Variants in AKR1A1 observed in about 807,000 individuals in gnomAD.
AKR1A1 encodes HEL-S-165mP.
Under a neutral mutation model 39.2 loss-of-function variants are expected in AKR1A1, and 26 were observed. The observed-to-expected ratio is 0.66, with a 90% CI of 0.49 to 0.92. The LOEUF is 0.92. Among genes scored for constraint, AKR1A1 ranks in the 40% least tolerant of loss-of-function variants. The probability of loss-of-function intolerance (pLI) is 0.00; values close to 1 mark genes in which losing one functional copy is unlikely to be tolerated. For missense variants in AKR1A1, 378 were observed against 406.5 expected, an observed-to-expected ratio of 0.93 and a Z score of 0.60; for synonymous variants, 141 against 155.5, an observed-to-expected ratio of 0.91 and a Z score of 0.69.
At chr1:45,557,884 T>C (rs1006606676) in intron 1 of AKR1A1, among the ~76,000 whole-genome samples, 1 of 151,662 alleles carries the variant, frequency 6.6e-6, no homozygotes, top group African/African-American at 2.4e-5. Flanking sequence ...AAGACAGTGT[T>C]GGTGTACTGG....
chr1:45,559,990 A>AC (rs1644257267), intron 1 of AKR1A1, among the ~76,000 whole-genome samples: 2 of 128,128 alleles, frequency 1.6e-5, no homozygotes, highest in Non-Finnish European at 3.4e-5. Context: ...AAATAACTTC[A>AC]CTTTTTTTTT....
At chr1:45,565,997 T>C (rs1259006826) in intron 2 of AKR1A1, among the ~76,000 whole-genome samples, 1 of 152,134 alleles carries the variant, frequency 6.6e-6, no homozygotes, top group Admixed American at 6.5e-5. Flanking sequence ...CTGAGATGGC[T>C]TGGGTAGGAA....
Position 45,558,081 on chromosome 1 carries a change from G to C in AKR1A1, c.-6-3708G>C, listed in dbSNP as rs990881139. On this transcript the variant is annotated intron_variant, in intron 1 of 8. Coordinates refer to ENST00000351829, the MANE Select transcript of AKR1A1 (RefSeq NM_153326.3). ...GCACCACCATGTCCAGCTAATTTTT[G>C]TATTTTTAGTAGAGAGGGGGTTTCG... 3.3e-5 allele frequency among the ~76,000 whole-genome samples: 5 copies of C among 151,194 alleles called. No homozygotes were observed. The East Asian group carries it at 9.8e-4, about 30-fold the overall frequency.
intron 2 of AKR1A1, among the ~76,000 whole-genome samples, chr1:45,564,404 G>C (rs1199709487): frequency 2.0e-5 from 3 of 152,054 alleles, no homozygotes; most frequent in Non-Finnish European, 4.4e-5. Flanking sequence ...TCTAGGGCCG[G>C]GTACCCTTGT....
intron 2 of AKR1A1, among the ~76,000 whole-genome samples, chr1:45,564,883 C>T (rs912015808): frequency 2.0e-4 from 31 of 151,776 alleles, no homozygotes; most frequent in African/African-American, 7.2e-4. Context: ...AGTGCAGTGG[C>T]GCAATCTCGC....
chr1:45,562,861 T>C (rs1644295838), intron 2 of AKR1A1, among the ~76,000 whole-genome samples: 1 of 152,036 alleles, frequency 6.6e-6, no homozygotes, highest in African/African-American at 2.4e-5. Context: ...GGCTCATACC[T>C]GTAATCCCAG....
At chr1:45,565,671 C>T (rs1644332678) in intron 2 of AKR1A1, among the ~76,000 whole-genome samples, 1 of 151,884 alleles carries the variant, frequency 6.6e-6, no homozygotes, top group South Asian at 2.1e-4. Flanking sequence ...AAAAGAATTT[C>T]ACCATGTTGG....
rs148607559 is a variant in AKR1A1, at chr1:45,568,031, G to A, written c.406G>A (p.Asp136Asn). ...PKNADGTICY[D>N]STHYKETWKA... ...GAATGCTGATGGGACTATATGCTAC[G>A]ACTCCACCCACTACAAGGAGACTTG... The change falls in exon 5 of 9, where the codon GAC becomes AAC. Residue 136 changes from aspartate (D) to asparagine (N), a missense_variant. Asp to Asn is a conservative substitution (Grantham distance 23). Transcript: ENST00000351829. The A allele has an allele frequency of 5.6e-5, 91 of 1,613,906 alleles. No homozygotes were observed. In the African/African-American group the frequency reaches 9.7e-4, roughly 17 times the overall value.
At chr1:45,564,797 T>G (rs990712775) in intron 2 of AKR1A1, among the ~76,000 whole-genome samples, 10 of 151,588 alleles carry the variant, frequency 6.6e-5, no homozygotes, top group East Asian at 3.8e-4. Flanking sequence ...TTTTGAAAAT[T>G]TTTAAATTTT....
At chr1:45,552,305 T>G (rs1413464173) in intron 1 of AKR1A1, 1 of 151,842 alleles carries the variant, frequency 6.6e-6, no homozygotes, top group African/African-American at 2.4e-5. Flanking sequence ...CCTCAGCCTT[T>G]GGACTATAAA....
At chr1:45,565,191 C>T (rs1330246645) in intron 2 of AKR1A1, among the ~76,000 whole-genome samples, 4 of 133,068 alleles carry the variant, frequency 3.0e-5, no homozygotes, top group African/African-American at 1.2e-4. Flanking sequence ...AGTGCAATGG[C>T]ATGATCTTGG....
Position 45,551,088 on chromosome 1 carries a change from A to G in AKR1A1, c.-74A>G, listed in dbSNP as rs957095963. 1 of 152,274 alleles carries G rather than the reference A, an allele frequency of 6.6e-6. No homozygotes were observed. The highest frequency in any genetic ancestry group is 6.5e-5 in the Admixed American group (1 of 15,282). The allele number at this position is 152,274 out of a possible 1,614,324, so 9.4% of individuals were successfully genotyped here. Reference sequence around the variant, plus strand: ...CCAGACTTAAGCTGAGGATCGTTGGATCTCTGGCGGGGTGCAGAACTGAGC... The same window carrying G: ...CCAGACTTAAGCTGAGGATCGTTGGGTCTCTGGCGGGGTGCAGAACTGAGC... On this transcript the variant is annotated 5_prime_UTR_variant, in exon 1 of 9. Transcript: ENST00000351829.
chr1:45,565,705 C>T (rs572227763), intron 2 of AKR1A1, among the ~76,000 whole-genome samples: 1 of 151,940 alleles, frequency 6.6e-6, no homozygotes, highest in South Asian at 2.1e-4. Flanking sequence ...AAACCCCTGA[C>T]CTCAGGTGAT....
At chr1:45,564,124 G>A (rs2148300166) in intron 2 of AKR1A1, among the ~76,000 whole-genome samples, 1 of 152,282 alleles carries the variant, frequency 6.6e-6, no homozygotes, top group South Asian at 2.1e-4. Flanking sequence ...TGGTGTGCTT[G>A]GATGACCTGT....
At chr1:45,558,575 T>A (rs1247993797) in intron 1 of AKR1A1, among the ~76,000 whole-genome samples, 6 of 151,878 alleles carry the variant, frequency 4.0e-5, no homozygotes, top group Non-Finnish European at 8.8e-5. Context: ...AATTTTTGTA[T>A]TTTTAGGAGA....
chr1:45,551,677 C>T (rs1644133266), intron 1 of AKR1A1, among the ~76,000 whole-genome samples: 1 of 152,224 alleles, frequency 6.6e-6, no homozygotes, highest in Non-Finnish European at 1.5e-5. Flanking sequence ...TTAATTAACT[C>T]TTCCCCTTCA....
At position 45,568,120 on chromosome 1, in the gene AKR1A1, C is replaced by T. The variant is rs374638736; in HGVS notation, c.495C>T (p.Asn165=). ...LVQALGLSNF[N]SRQIDDILSV... is the part of the protein sequence containing the mutation. ...AGGCGCTGGGCCTGTCCAACTTCAA[C>T]AGTCGGCAGATTGATGACATACTCA... Residue 165 remains asparagine, a synonymous_variant, in exon 5 of 9, where the codon AAC becomes AAT. Coordinates refer to ENST00000351829, the MANE Select transcript of AKR1A1 (RefSeq NM_153326.3). The T allele has an allele frequency of 2.5e-6, 4 of 1,614,114 alleles. No individual in the cohort carries two copies. The highest frequency in any genetic ancestry group is 3.4e-6 in the Non-Finnish European group (4 of 1,180,024).
chr1:45,568,628 A>T lies in AKR1A1; in HGVS notation c.696A>T (p.Pro232=). ...DPDEPVLLEE[P]VVLALAEKYG... is the part of the protein sequence containing the mutation. ...ATGAGCCTGTCCTGCTGGAGGAACC[A>T]GTAGTCCTGGCATTGGCTGAAAAGT... The change falls in exon 6 of 9, where the codon CCA becomes CCT. Residue 232 remains proline (P), a synonymous_variant. Coordinates refer to ENST00000351829, the MANE Select transcript of AKR1A1 (RefSeq NM_153326.3). 6.2e-7 allele frequency: 1 copy of T among 1,613,930 alleles called. No individual in the cohort carries two copies. Among genetic ancestry groups the T allele is most frequent in the Non-Finnish European group, 8.5e-7 (1 of 1,179,928 alleles).
In AKR1A1 at chr1:45,568,473, T is replaced by G. The variant is rs372006933; in HGVS notation, c.553-12T>G. On this transcript the variant is annotated splice_polypyrimidine_tract_variant and intron_variant, in intron 5 of 8. Coordinates refer to ENST00000351829, the MANE Select transcript of AKR1A1 (RefSeq NM_153326.3). The stretch of plus-strand genomic sequence containing the variant: ...TCACCACTTCATGGTGATGGGTTAT[T>G]CTTTGGCTCAGGTGGAATGCCACCC... The G allele has an allele frequency of 6.2e-7, 1 of 1,613,368 alleles. No homozygotes were observed.
Sources: allele counts gnomAD v4.1 joint callset (sites outside exome capture counted in the v4.1 genomes callset), GRCh38; gene constraint gnomAD v4.1.1; transcripts MANE v1.5; gene names NCBI Gene and HGNC (gene_info 2026-07-23, HGNC 2026-07-21).